Variants in NKAIN2 observed in about 807,000 individuals in gnomAD.
The protein encoded by NKAIN2 is sodium/potassium-transporting ATPase subunit beta-1-interacting protein 2.
In NKAIN2, 14 loss-of-function variants were observed where a neutral mutation model predicts 32.6. That is an observed-to-expected ratio of 0.43 (90% CI 0.28 to 0.67). The LOEUF is 0.67. NKAIN2 is among the 30% of genes least tolerant of loss of function. The pLI is 0.17. For missense variants in NKAIN2, 198 were observed against 258.3 expected (o/e 0.77, Z 1.60); for synonymous variants, 80 against 87.2 (o/e 0.92, Z 0.46).
chr6:124,289,237 A>G (rs758577066), intron 2 of NKAIN2, among the ~76,000 whole-genome samples: 21 of 152,182 alleles, frequency 1.4e-4, no homozygotes, highest in Non-Finnish European at 1.8e-4. Context: ...CTGTTCACCA[A>G]TTTAGGCCAC....
intron 3 of NKAIN2, among the ~76,000 whole-genome samples, chr6:124,540,796 A>T (rs1307840381): frequency 6.6e-6 from 1 of 152,186 alleles, no homozygotes; most frequent in African/African-American, 2.4e-5. Context: ...ATTACATGAG[A>T]TATTCAACAC....
chr6:124,003,793 A>G (rs1253343776), intron 1 of NKAIN2, among the ~76,000 whole-genome samples: 1 of 152,174 alleles, frequency 6.6e-6, no homozygotes, highest in Non-Finnish European at 1.5e-5. Flanking sequence ...AAACAGCTGC[A>G]GGGGCTCAAG....
intron 3 of NKAIN2, among the ~76,000 whole-genome samples, chr6:124,577,837 G>C (rs550794722): frequency 2.3e-4 from 35 of 152,118 alleles, no homozygotes; most frequent in Non-Finnish European, 4.6e-4. Flanking sequence ...GAAAAGTAAA[G>C]AGGACTTTAT....
At chr6:123,961,304 T>C (rs1431320856) in intron 1 of NKAIN2, among the ~76,000 whole-genome samples, 2 of 152,190 alleles carry the variant, frequency 1.3e-5, no homozygotes, top group Admixed American at 1.3e-4. Context: ...TATACTACGA[T>C]TATTCCTGAT....
chr6:123,935,668 CT>C (rs1021463005), intron 1 of NKAIN2, among the ~76,000 whole-genome samples: 15 of 151,860 alleles, frequency 9.9e-5, no homozygotes, highest in Admixed American at 1.3e-4. Flanking sequence ...TAAATTTAAT[CT>C]TTTTATATCA....
intron 1 of NKAIN2, among the ~76,000 whole-genome samples, chr6:124,130,295 T>C (rs1786404525): frequency 6.6e-6 from 1 of 152,200 alleles, no homozygotes; most frequent in Non-Finnish European, 1.5e-5. Context: ...GAACTGCAAC[T>C]TTGATAATGT....
intron 1 of NKAIN2, among the ~76,000 whole-genome samples, chr6:123,909,412 A>G (rs1001162373): frequency 2.0e-5 from 3 of 151,954 alleles, no homozygotes; most frequent in Admixed American, 1.3e-4. Context: ...GAAAAAACGA[A>G]TATCCTTGAG....
chr6:124,417,463 C>CA (rs1396032204), intron 3 of NKAIN2, among the ~76,000 whole-genome samples: 1 of 150,192 alleles, frequency 6.7e-6, no homozygotes, highest in African/African-American at 2.5e-5. Flanking sequence ...AATATTTACA[C>CA]ATATTATCAT....
chr6:124,476,554 A>G (rs1057498453), intron 3 of NKAIN2, among the ~76,000 whole-genome samples: 2 of 152,174 alleles, frequency 1.3e-5, no homozygotes, highest in African/African-American at 2.4e-5. Flanking sequence ...TCAGACACCA[A>G]GTTTAGAAAC....
At chr6:124,202,624 T>C (rs1449585059) in intron 1 of NKAIN2, among the ~76,000 whole-genome samples, 1 of 151,914 alleles carries the variant, frequency 6.6e-6, no homozygotes, top group East Asian at 1.9e-4. Flanking sequence ...TATTAAAAAT[T>C]AAAAAAGTCA....
At chr6:124,299,034 C>G (rs1236263730) in intron 2 of NKAIN2, among the ~76,000 whole-genome samples, 1 of 152,198 alleles carries the variant, frequency 6.6e-6, no homozygotes, top group Admixed American at 6.5e-5. Context: ...CAAATTGATT[C>G]TTGAGGCATG....
intron 4 of NKAIN2, among the ~76,000 whole-genome samples, chr6:124,755,250 G>A (rs1336604115): frequency 1.3e-5 from 2 of 152,066 alleles, no homozygotes; most frequent in Non-Finnish European, 2.9e-5. Flanking sequence ...ATCCAATATG[G>A]GAGAAAGATG....
chr6:124,469,664 C>A (rs1460253962), intron 3 of NKAIN2, among the ~76,000 whole-genome samples: 1 of 152,150 alleles, frequency 6.6e-6, no homozygotes, highest in Non-Finnish European at 1.5e-5. Context: ...CACACTCCAT[C>A]TAAACTCCCT....
chr6:124,449,961 G>T (rs1776035527), intron 3 of NKAIN2, among the ~76,000 whole-genome samples: 1 of 152,080 alleles, frequency 6.6e-6, no homozygotes, highest in Non-Finnish European at 1.5e-5. Context: ...GACAGCCAAA[G>T]AATGAAGTAA....
intron 4 of NKAIN2, among the ~76,000 whole-genome samples, chr6:124,687,461 T>TATATATTCCATAC (rs1774001745): frequency 2.2e-5 from 1 of 45,258 alleles, no homozygotes; most frequent in Non-Finnish European, 4.3e-5. Flanking sequence ...ATATTCCATA[T>TATATATTCCATAC]ATACACATAC....
chr6:124,670,529 G>A (rs576459458), intron 4 of NKAIN2, among the ~76,000 whole-genome samples: 1 of 152,108 alleles, frequency 6.6e-6, no homozygotes, highest in South Asian at 2.1e-4. Context: ...AAATCTGAGT[G>A]CCATGAGCAT....
intron 1 of NKAIN2, among the ~76,000 whole-genome samples, chr6:124,229,455 T>C (rs1228744545): frequency 1.3e-5 from 2 of 152,080 alleles, no homozygotes; most frequent in East Asian, 1.9e-4. Context: ...TAATATATTA[T>C]GTTCACATAT....
At chr6:124,082,203 C>T (rs1158965612) in intron 1 of NKAIN2, among the ~76,000 whole-genome samples, 3 of 152,090 alleles carry the variant, frequency 2.0e-5, no homozygotes, top group Non-Finnish European at 4.4e-5. Flanking sequence ...TTGGCAAGGA[C>T]TGCATCTGAT....
intron 3 of NKAIN2, among the ~76,000 whole-genome samples, chr6:124,467,443 T>A (rs1776805368): frequency 6.6e-6 from 1 of 152,108 alleles, no homozygotes; most frequent in East Asian, 1.9e-4. Context: ...AAGACTTCAC[T>A]ACAGTTACAT....
Sources: allele counts gnomAD v4.1 joint callset (sites outside exome capture counted in the v4.1 genomes callset), GRCh38; gene constraint gnomAD v4.1.1; transcripts MANE v1.5; gene names NCBI Gene and HGNC (gene_info 2026-07-23, HGNC 2026-07-21).